PARD3: variants seen among roughly 807,000 people sequenced by gnomAD.
PARD3 encodes the protein par-3 family cell polarity regulator, also known as partitioning defective 3 homolog.
PARD3 carries 75 observed loss-of-function variants against 155.4 expected under a neutral mutation model. That is an observed-to-expected ratio of 0.48 (90% CI 0.40 to 0.58). PARD3 has a LOEUF of 0.58. Ranked by LOEUF, PARD3 falls within the 20% of genes least tolerant of loss-of-function variation. The probability of loss-of-function intolerance (pLI) is 0.00; values close to 1 mark genes in which losing one functional copy is unlikely to be tolerated. For synonymous variants in PARD3, 576 were observed against 610.5 expected (o/e 0.94, Z 0.83); for missense variants, 1,642 against 1,721.7 (o/e 0.95, Z 0.82).
At position 34,192,655 on chromosome 10, in the gene PARD3, G is replaced by C. The variant is rs144616574; in HGVS notation, c.3420-61072C>G. Among the ~76,000 whole-genome samples, 625 of 152,290 alleles carry C rather than the reference G, an allele frequency of 4.1e-3. 3 individuals carry two copies. Among genetic ancestry groups the C allele is most frequent in the Admixed American group, 6.7e-3 (103 of 15,294 alleles). ...ACTCACATGGCCCCAAAGAGTAAAGGTGACCTCCTGGACGTCAGAGTGTGG... is the reference window on the plus strand; with the variant it reads ...ACTCACATGGCCCCAAAGAGTAAAGCTGACCTCCTGGACGTCAGAGTGTGG... On this transcript the variant is annotated intron_variant, in intron 22 of 24. Transcript: ENST00000374788.
chr10:34,349,580 T>TAAAAAAAAAA, intron 14 of PARD3, among the ~76,000 whole-genome samples: 48 of 44,708 alleles, frequency 1.1e-3, no homozygotes, highest in African/African-American at 3.5e-3. Flanking sequence ...TCTGGGAAAG[T>TAAAAAAAAAA]AAAAAAAAAA....
chr10:34,363,415 G>A (rs1267635183), intron 12 of PARD3, among the ~76,000 whole-genome samples: 1 of 152,186 alleles, frequency 6.6e-6, no homozygotes, highest in African/African-American at 2.4e-5. Flanking sequence ...GAACACTGAT[G>A]TGAAACATTG....
At position 34,131,546 on chromosome 10, in the gene PARD3, G is replaced by A. The variant is rs760653367; in HGVS notation, c.3457C>T (p.Arg1153Cys). 9 of 1,613,302 alleles carry A rather than the reference G, an allele frequency of 5.6e-6. No individual in the cohort carries two copies. The highest frequency in any genetic ancestry group is 2.2e-5 in the East Asian group (1 of 44,886). ...STPSNHDRIQ[R>C]LRQEFQQAKQ... is the part of the protein sequence containing the mutation. ...GCTTGCTGAAATTCTTGCCTCAGAC[G>A]CTGTATCCGATCATGATTGCTAGGA... The change falls in exon 23 of 25, where the codon CGT becomes TGT. Residue 1153 changes from arginine (R) to cysteine (C), a missense_variant. Around this residue, in one of 3 missense-constraint regions of PARD3, gnomAD observed 1,529 missense variants for 1,587.3 expected, o/e 0.96. Transcript: ENST00000374788.
intron 3 of PARD3, among the ~76,000 whole-genome samples, chr10:34,472,566 G>A (rs1435351735): frequency 6.6e-6 from 1 of 152,168 alleles, no homozygotes; most frequent in Non-Finnish European, 1.5e-5. Flanking sequence ...CACAGATTCT[G>A]TTGCTGTCCA....
rs923101873 is a variant in PARD3 at position 34,685,649 on chromosome 10, A to G, written c.222+10669T>C. Among the ~76,000 whole-genome samples, 24 of 149,766 alleles carry G rather than the reference A, an allele frequency of 1.6e-4. No individual in the cohort carries two copies. The South Asian group carries it at 2.1e-3, about 13-fold the overall frequency. On this transcript the variant is annotated intron_variant, in intron 2 of 24. Transcript: ENST00000374788. ...CACTTTGTCGCCCAGGCTGGAGTGC[A>G]GTGGGGCAATCTCGGCTCACTACAA...
chr10:34,129,499 C>T (rs1004152675), intron 23 of PARD3, among the ~76,000 whole-genome samples: 1 of 152,096 alleles, frequency 6.6e-6, no homozygotes, highest in Non-Finnish European at 1.5e-5. Context: ...AAAACTGAGG[C>T]CGGAAGAGCC....
chr10:34,343,791 T>C (rs756825846), intron 15 of PARD3: 95 of 983,390 alleles, frequency 9.7e-5, no homozygotes, highest in Non-Finnish European at 1.1e-4. Flanking sequence ...CTTTCCTCTA[T>C]CTTCAACTAG....
At chr10:34,803,271 A>T (rs1313071993) in intron 1 of PARD3, among the ~76,000 whole-genome samples, 1 of 151,378 alleles carries the variant, frequency 6.6e-6, no homozygotes, top group African/African-American at 2.4e-5. Flanking sequence ...AAAAAAAAAT[A>T]GAAGGCAGGA....
chr10:34,212,385 C>G (rs1036557409), intron 22 of PARD3, among the ~76,000 whole-genome samples: 6 of 152,138 alleles, frequency 3.9e-5, no homozygotes, highest in African/African-American at 1.4e-4. Context: ...ATCTTTCTAG[C>G]CCGACCCCTG....
intron 2 of PARD3, among the ~76,000 whole-genome samples, chr10:34,692,905 G>A (rs927768449): frequency 2.0e-5 from 3 of 152,044 alleles, no homozygotes; most frequent in African/African-American, 7.2e-5. Flanking sequence ...AAGAACAGAC[G>A]CTTTTCAAAA....
intron 20 of PARD3, among the ~76,000 whole-genome samples, chr10:34,307,996 C>G (rs928909538): frequency 7.2e-5 from 11 of 152,094 alleles, no homozygotes; most frequent in South Asian, 2.1e-4. Context: ...CTCTAAAAAG[C>G]TGACTCTTGA....
intron 22 of PARD3, among the ~76,000 whole-genome samples, chr10:34,179,553 T>A (rs564863230): frequency 1.6e-4 from 25 of 152,304 alleles, no homozygotes; most frequent in Admixed American, 5.2e-4. Context: ...CAATCCAAGA[T>A]AAATAAATGT....
At chr10:34,563,495 T>C (rs577430875) in intron 2 of PARD3, among the ~76,000 whole-genome samples, 5 of 151,484 alleles carry the variant, frequency 3.3e-5, no homozygotes, top group South Asian at 2.1e-4. Context: ...GCCTCCCAAG[T>C]AGCTGTGAAT....
intron 5 of PARD3, among the ~76,000 whole-genome samples, chr10:34,412,506 C>T (rs1171211008): frequency 2.0e-5 from 3 of 152,142 alleles, no homozygotes; most frequent in Non-Finnish European, 4.4e-5. Flanking sequence ...AGAAATATTT[C>T]TTACCAGAAA....
intron 1 of PARD3, among the ~76,000 whole-genome samples, chr10:34,784,227 A>T (rs1840654973): frequency 6.6e-6 from 1 of 152,168 alleles, no homozygotes; most frequent in South Asian, 2.1e-4. Context: ...AAATAAAAAC[A>T]TCAGTATTCT....
At chr10:34,205,570 G>T (rs932561729) in intron 22 of PARD3, among the ~76,000 whole-genome samples, 3 of 152,130 alleles carry the variant, frequency 2.0e-5, no homozygotes, top group African/African-American at 7.2e-5. Context: ...GCAAGCAGAG[G>T]GACTTGAATT....
At chr10:34,455,262 A>G (rs1337181126) in intron 4 of PARD3, among the ~76,000 whole-genome samples, 1 of 152,192 alleles carries the variant, frequency 6.6e-6, no homozygotes, top group Non-Finnish European at 1.5e-5. Context: ...AAAATACTCA[A>G]TGCATATACA....
intron 3 of PARD3, among the ~76,000 whole-genome samples, chr10:34,508,687 A>G (rs1328617828): frequency 6.6e-6 from 1 of 152,332 alleles, no homozygotes; most frequent in East Asian, 1.9e-4. Flanking sequence ...AGTTAAATGT[A>G]TATCACAGAC....
In PARD3 at chr10:34,163,767, G is replaced by A. The variant is rs892022890; in HGVS notation, c.3420-32184C>T. ...GAGAGATGTGATCTGCTCACGCACC[G>A]TTACGGGGGAACTGCTCAGGCAGAA... is the stretch of plus-strand genomic sequence containing the variant. On this transcript the variant is annotated intron_variant, in intron 22 of 24. Transcript: ENST00000374788. Among the ~76,000 whole-genome samples the A allele has an allele frequency of 8.5e-5, 13 of 152,264 alleles. 1 individual carries two copies. The highest frequency in any genetic ancestry group is 7.2e-4 in the Admixed American group (11 of 15,294).
Sources: gnomAD v4.1 joint callset for allele counts (sites outside exome capture counted in the v4.1 genomes callset) on GRCh38, gnomAD v4.1.1 for gene constraint, gnomAD v4.1.1 regional missense constraint, MANE v1.5 for transcripts, NCBI Gene and HGNC (gene_info 2026-07-23, HGNC 2026-07-21) for gene names.